ESRRG: variants seen among roughly 807,000 people sequenced by gnomAD.
The protein encoded by ESRRG is estrogen-related receptor gamma.
In ESRRG, 13 loss-of-function variants were observed where a neutral mutation model predicts 44.0. The ratio of observed to expected loss-of-function variants is 0.30; its 90% CI spans 0.19 to 0.47. The LOEUF is 0.47. Among genes scored for constraint, ESRRG ranks in the 20% least tolerant of loss-of-function variants. ESRRG has a pLI of 1.00. For missense variants in ESRRG, 395 were observed against 580.6 expected (o/e 0.68, Z 3.29); for synonymous variants, 215 against 214.6 (o/e 1.00, Z -0.02).
chr1:216,567,030 C>T (rs1341374243), intron 4 of ESRRG, among the ~76,000 whole-genome samples: 1 of 152,198 alleles, frequency 6.6e-6, no homozygotes, highest in African/African-American at 2.4e-5. Context: ...TAGAAGTGGA[C>T]ATCTTCTCTT....
At chr1:216,964,591 T>C (rs1009190875) in intron 1 of ESRRG, among the ~76,000 whole-genome samples, 1 of 152,180 alleles carries the variant, frequency 6.6e-6, no homozygotes, top group African/African-American at 2.4e-5. Context: ...CAGCTGACAC[T>C]GAGCGTGAAT....
intron 1 of ESRRG, among the ~76,000 whole-genome samples, chr1:217,021,002 C>G (rs1305820706): frequency 4.0e-5 from 6 of 151,190 alleles, no homozygotes; most frequent in Non-Finnish European, 7.4e-5. Flanking sequence ...GGAAACACTA[C>G]CCTTTCATAC....
intron 3 of ESRRG, among the ~76,000 whole-genome samples, chr1:216,592,683 AG>A (rs1256676245): frequency 6.6e-6 from 1 of 152,082 alleles, no homozygotes; most frequent in African/African-American, 2.4e-5. Flanking sequence ...TATTTTTAGT[AG>A]AGATGGTGTT....
rs544821662 is a variant in ESRRG, at chr1:216,510,082, T to A, written c.1133-2899A>T. ...AACCAGCTAAACTTAATGGATATCA[T>A]AAGTTTATGAACTAACTAGACAGGA... On this transcript the variant is annotated intron_variant, in intron 6 of 6. Coordinates refer to ENST00000408911, the MANE Select transcript of ESRRG (RefSeq NM_001438.4). 3.3e-5 allele frequency among the ~76,000 whole-genome samples: 5 copies of A among 152,342 alleles called. No homozygotes were observed. The South Asian group carries it at 1.0e-3, about 32-fold the overall frequency.
intron 2 of ESRRG, among the ~76,000 whole-genome samples, chr1:216,734,752 TGAAGA>T (rs1451001653): frequency 6.6e-6 from 1 of 152,204 alleles, no homozygotes; most frequent in African/African-American, 2.4e-5. Flanking sequence ...AATGTTTCTT[TGAAGA>T]AATTTTGTCA....
At chr1:216,649,678 G>C (rs1215455838) in intron 3 of ESRRG, among the ~76,000 whole-genome samples, 1 of 151,972 alleles carries the variant, frequency 6.6e-6, no homozygotes, top group Non-Finnish European at 1.5e-5. Flanking sequence ...TCTTTCTCAA[G>C]GGAAGAGCAA....
intron 2 of ESRRG, among the ~76,000 whole-genome samples, chr1:216,877,997 C>T (rs766225504): frequency 1.3e-5 from 2 of 152,152 alleles, no homozygotes; most frequent in Non-Finnish European, 2.9e-5. Context: ...CTTTGGGAGG[C>T]ATATCAGGAA....
At chr1:217,022,775 C>T (rs1339210) in intron 1 of ESRRG, among the ~76,000 whole-genome samples, 80,606 of 151,856 alleles carry the variant, frequency 0.53, 22,009 homozygotes, top group African/African-American at 0.66. Context: ...TCTGGAGCAA[C>T]ACCTGTCCAT....
At chr1:216,761,585 G>A (rs1029468268) in intron 2 of ESRRG, among the ~76,000 whole-genome samples, 2 of 152,046 alleles carry the variant, frequency 1.3e-5, no homozygotes, top group African/African-American at 4.8e-5. Context: ...CTCTGCCAGT[G>A]CCTACTATCT....
intron 5 of ESRRG, among the ~76,000 whole-genome samples, chr1:216,562,250 C>G (rs908010283): frequency 6.6e-6 from 1 of 152,096 alleles, no homozygotes; most frequent in East Asian, 1.9e-4. Flanking sequence ...CAGCTTTTCA[C>G]GCTGTTGTTA....
chr1:216,678,549 T>C (rs2151513415), intron 1 of ESRRG, among the ~76,000 whole-genome samples: 1 of 152,356 alleles, frequency 6.6e-6, no homozygotes, highest in Admixed American at 6.5e-5. Context: ...ACACTGTTTC[T>C]CTTATCTAGA....
chr1:216,870,975 T>G (rs527884326), intron 2 of ESRRG, among the ~76,000 whole-genome samples: 10 of 152,134 alleles, frequency 6.6e-5, no homozygotes, highest in South Asian at 2.1e-4. Flanking sequence ...CTTTCTGATT[T>G]AAACTATTAA....
intron 2 of ESRRG, among the ~76,000 whole-genome samples, chr1:216,838,737 TTG>T (rs1364321282): frequency 6.6e-6 from 1 of 152,190 alleles, no homozygotes; most frequent in Non-Finnish European, 1.5e-5. Flanking sequence ...CAGGAATTTT[TTG>T]GTTTTCCAGT....
At chr1:216,614,968 G>A (rs2061216915) in intron 3 of ESRRG, among the ~76,000 whole-genome samples, 1 of 152,210 alleles carries the variant, frequency 6.6e-6, no homozygotes. Flanking sequence ...CTCTATGTGT[G>A]TTGTAATTAT....
intron 6 of ESRRG, among the ~76,000 whole-genome samples, chr1:216,512,420 A>C (rs2042982893): frequency 6.6e-6 from 1 of 152,222 alleles, no homozygotes; most frequent in Non-Finnish European, 1.5e-5. Context: ...AAATAAAATG[A>C]AGGAGGAACT....
chr1:216,865,452 T>G, intron 2 of ESRRG, among the ~76,000 whole-genome samples: 1 of 148,624 alleles, frequency 6.7e-6, no homozygotes, highest in African/African-American at 2.6e-5. Flanking sequence ...CCTTAAGGGT[T>G]TAAGAAACAC....
chr1:216,756,479 G>A (rs1441135631), intron 2 of ESRRG, among the ~76,000 whole-genome samples: 6 of 151,948 alleles, frequency 3.9e-5, no homozygotes, highest in Non-Finnish European at 8.8e-5. Flanking sequence ...GCTTCAACGA[G>A]AGGAATTTGT....
chr1:217,024,553 G>A (rs1319697913), intron 1 of ESRRG, among the ~76,000 whole-genome samples: 3 of 151,960 alleles, frequency 2.0e-5, no homozygotes, highest in Non-Finnish European at 2.9e-5. Context: ...CTGGAGACAT[G>A]AGCATCATTC....
intron 3 of ESRRG, 32 bp downstream of exon 3, chr1:216,650,941 A>T (rs1234959689): frequency 7.0e-7 from 1 of 1,428,678 alleles, no homozygotes; most frequent in Non-Finnish European, 9.9e-7. Context: ...CAGCAAAATC[A>T]AAACCTCAGG....
Sources: allele counts gnomAD v4.1 joint callset (sites outside exome capture counted in the v4.1 genomes callset), GRCh38; gene constraint gnomAD v4.1.1; transcripts MANE v1.5; gene names NCBI Gene and HGNC (gene_info 2026-07-23, HGNC 2026-07-21).